The following MACROD1 variants were observed in gnomAD, a reference collection of about 807,000 sequenced individuals.
MACROD1 encodes mono-ADP ribosylhydrolase 1.
A neutral mutation model predicts 41.4 loss-of-function variants in MACROD1; 31 were observed. The ratio of observed to expected loss-of-function variants is 0.75; its 90% CI spans 0.56 to 1.01. MACROD1 has a LOEUF of 1.01. MACROD1 is among the 50% of genes least tolerant of loss of function. The pLI is 0.00. For synonymous variants in MACROD1, 252 were observed against 203.4 expected (o/e 1.24, Z -2.03); for missense variants, 473 against 460.0 (o/e 1.03, Z -0.26).
rs1220392472 is a variant in MACROD1 at position 64,072,080 on chromosome 11, G to A, written c.518-56799C>T. Among the ~76,000 whole-genome samples the A allele has an allele frequency of 2.6e-5, 4 of 152,244 alleles. No individual in the cohort carries two copies. The South Asian group carries it at 6.2e-4, about 24-fold the overall frequency. ...CCGGCAGACAAGATGATGTGAGCCCGAATCGAATCGACTGCTGAACTCATA... is the reference window on the plus strand; with the variant it reads ...CCGGCAGACAAGATGATGTGAGCCCAAATCGAATCGACTGCTGAACTCATA... On this transcript the variant is annotated intron_variant, in intron 3 of 10. Coordinates refer to ENST00000255681, the MANE Select transcript of MACROD1 (RefSeq NM_014067.4).
intron 1 of MACROD1, among the ~76,000 whole-genome samples, chr11:64,159,249 G>T (rs1464382882): frequency 6.6e-6 from 1 of 151,470 alleles, no homozygotes; most frequent in Non-Finnish European, 1.5e-5. Context: ...AACCCAGAAG[G>T]CGGAGGTTGC....
chr11:64,145,914 C>G (rs984292784), intron 3 of MACROD1, among the ~76,000 whole-genome samples: 2 of 152,148 alleles, frequency 1.3e-5, no homozygotes, highest in Non-Finnish European at 2.9e-5. Flanking sequence ...GGACTACAGG[C>G]GCATGCCACT....
intron 1 of MACROD1, among the ~76,000 whole-genome samples, chr11:64,163,176 G>A (rs545870838): frequency 1.3e-5 from 2 of 151,852 alleles, no homozygotes; most frequent in South Asian, 2.1e-4. Flanking sequence ...ATAGTGGTGG[G>A]TGCCTGTAAT....
At chr11:64,021,386 A>T (rs965997959) in intron 3 of MACROD1, among the ~76,000 whole-genome samples, 1 of 152,190 alleles carries the variant, frequency 6.6e-6, no homozygotes, top group Admixed American at 6.5e-5. Flanking sequence ...CCTGACAGGG[A>T]CGAAATCCTC....
intron 3 of MACROD1, among the ~76,000 whole-genome samples, chr11:64,094,978 G>C (rs762770222): frequency 6.6e-6 from 1 of 152,318 alleles, no homozygotes; most frequent in East Asian, 1.9e-4. Flanking sequence ...TAGGGGCCTC[G>C]TTAGCTGTGG....
At chr11:64,020,320 G>A (rs12802508) in intron 3 of MACROD1, among the ~76,000 whole-genome samples, 1,569 of 152,254 alleles carry the variant, frequency 0.01, 15 homozygotes, top group Non-Finnish European at 0.015. Flanking sequence ...CTGAGACACG[G>A]AAAGTGATCC....
chr11:64,108,026 C>G (rs1163756427), intron 3 of MACROD1, among the ~76,000 whole-genome samples: 1 of 152,090 alleles, frequency 6.6e-6, no homozygotes, highest in Non-Finnish European at 1.5e-5. Flanking sequence ...GGAAGTAGAT[C>G]GTTTATGGTC....
intron 3 of MACROD1, among the ~76,000 whole-genome samples, chr11:64,051,465 CATT>C (rs1158703637): frequency 6.6e-5 from 10 of 152,216 alleles, no homozygotes; most frequent in East Asian, 1.9e-4. Context: ...GATTGAGTCT[CATT>C]GTTGTGGGGC....
chr11:64,017,805 C>T (rs1201587159), intron 3 of MACROD1, among the ~76,000 whole-genome samples: 1 of 152,140 alleles, frequency 6.6e-6, no homozygotes, highest in African/African-American at 2.4e-5. Context: ...ACCTCTCTCT[C>T]TTAATTAACA....
intron 3 of MACROD1, among the ~76,000 whole-genome samples, chr11:64,021,968 GCAGTGGATCT>G (rs1555008824): frequency 5.5e-4 from 45 of 81,336 alleles, no homozygotes; most frequent in Admixed American, 9.8e-4. Context: ...GTGGCGGCGG[GCAGTGGATCT>G]GGAGGGGTGG....
intron 3 of MACROD1, among the ~76,000 whole-genome samples, chr11:64,108,111 A>G (rs1162188996): frequency 6.6e-6 from 1 of 152,046 alleles, no homozygotes; most frequent in Non-Finnish European, 1.5e-5. Context: ...GTCAGGAGTT[A>G]GTGACCAGCC....
chr11:64,022,750 G>A (rs1943174647), intron 3 of MACROD1, among the ~76,000 whole-genome samples: 2 of 152,178 alleles, frequency 1.3e-5, no homozygotes, highest in South Asian at 2.1e-4. Context: ...CAGGTGGAAG[G>A]TGGGAGACTT....
In MACROD1 at chr11:64,120,779, C is replaced by T. The variant is rs1296906876; in HGVS notation, c.517+30460G>A. Among the ~76,000 whole-genome samples, 1 of 152,088 alleles carries T rather than the reference C, an allele frequency of 6.6e-6. No homozygotes were observed. Among genetic ancestry groups the T allele is most frequent in the Non-Finnish European group, 1.5e-5 (1 of 68,004 alleles). On this transcript the variant is annotated intron_variant, in intron 3 of 10. Coordinates refer to ENST00000255681, the MANE Select transcript of MACROD1 (RefSeq NM_014067.4). The surrounding 1 kb of genome is among the most constrained non-coding windows in gnomAD (Gnocchi z 4.5). ...TGGGATGTCTGGGAGGAGAGCGTGC[C>T]CGAGGTGTGCCACGTTGGCACAGGG...
At chr11:64,103,339 G>A (rs923190659) in intron 3 of MACROD1, 6 of 152,230 alleles carry the variant, frequency 3.9e-5, no homozygotes, top group Non-Finnish European at 5.9e-5. Context: ...TGAGGCCCTT[G>A]CCCCCCAAGC....
intron 3 of MACROD1, among the ~76,000 whole-genome samples, chr11:64,041,984 T>A (rs558808498): frequency 6.6e-6 from 1 of 151,972 alleles, no homozygotes; most frequent in East Asian, 1.9e-4. Flanking sequence ...GGACTTGGGT[T>A]CAGTGGGGGG....
chr11:64,166,108 C>G lies in MACROD1; in HGVS notation c.-114G>C. Reference sequence around the variant, plus strand: ...GTGGCGACTGCCAGCCAGCGGCGACCTGCTCGGAGCCAGCGGGAGGCGCGG... The same window carrying G: ...GTGGCGACTGCCAGCCAGCGGCGACGTGCTCGGAGCCAGCGGGAGGCGCGG... On this transcript the variant is annotated 5_prime_UTR_variant, in exon 1 of 11. Transcript: ENST00000255681. 1.7e-6 allele frequency: 2 copies of G among 1,161,018 alleles called. No homozygotes were observed. The highest frequency in any genetic ancestry group is 1.6e-5 in the African/African-American group (1 of 62,896). The allele number at this position is 1,161,018 out of a possible 1,614,324, so 71.9% of individuals were successfully genotyped here.
At position 64,064,212 on chromosome 11, in the gene MACROD1, G is replaced by A. The variant is rs1471909019; in HGVS notation, c.518-48931C>T. 6.6e-6 allele frequency among the ~76,000 whole-genome samples: 1 copy of A among 151,944 alleles called. No homozygotes were observed. Among genetic ancestry groups the A allele is most frequent in the African/African-American group, 2.4e-5 (1 of 41,210 alleles). On this transcript the variant is annotated intron_variant, in intron 3 of 10. Transcript: ENST00000255681. This position sits in a 1 kb window ranked among gnomAD's most constrained non-coding sequence, Gnocchi z 4.5. ...TTTACATGAATAAAACATCAGTGTA[G>A]GGGAAAAAAATCCCAAACTGCACAG...
intron 1 of MACROD1, among the ~76,000 whole-genome samples, chr11:64,158,453 A>G (rs972863107): frequency 1.3e-5 from 2 of 152,092 alleles, no homozygotes; most frequent in African/African-American, 4.8e-5. Flanking sequence ...TATATTGCCC[A>G]GGCTGGTCTC....
rs140743086 is a variant in MACROD1, at chr11:64,131,933, C to T, written c.517+19306G>A. On this transcript the variant is annotated intron_variant, in intron 3 of 10. Coordinates refer to ENST00000255681, the MANE Select transcript of MACROD1 (RefSeq NM_014067.4). Reference sequence around the variant, plus strand: ...GGGGGAACCGGAGGGAAGTGAGTGGCGGGAGGGAGGGGCGCACTTGACTGA... The same window carrying T: ...GGGGGAACCGGAGGGAAGTGAGTGGTGGGAGGGAGGGGCGCACTTGACTGA... 5.5e-3 allele frequency among the ~76,000 whole-genome samples: 842 copies of T among 151,794 alleles called. 6 individuals carry two copies. The highest frequency in any genetic ancestry group is 0.027 in the Middle Eastern group (8 of 294).
Sources: gnomAD v4.1 joint callset for allele counts (sites outside exome capture counted in the v4.1 genomes callset) on GRCh38, gnomAD v4.1.1 for gene constraint, Gnocchi (gnomAD v3.1) non-coding constraint, MANE v1.5 for transcripts, NCBI Gene and HGNC (gene_info 2026-07-23, HGNC 2026-07-21) for gene names.